BNC2: variants seen among roughly 807,000 people sequenced by gnomAD.
BNC2 encodes zinc finger protein basonuclin-2.
A neutral mutation model predicts 76.3 loss-of-function variants in BNC2; 20 were observed. The ratio of observed to expected loss-of-function variants is 0.26; its 90% CI spans 0.18 to 0.38. The LOEUF (loss-of-function observed/expected upper bound fraction) is 0.38. Among genes scored for constraint, BNC2 ranks in the 10% least tolerant of loss-of-function variants. BNC2 has a pLI of 1.00. For synonymous variants in BNC2, 582 were observed against 514.8 expected, an observed-to-expected ratio of 1.13 and a Z score of -1.77; for missense variants, 1,382 against 1,399.8, an observed-to-expected ratio of 0.99 and a Z score of 0.20.
In BNC2 at chr9:16,445,400, G is replaced by C. The variant is rs1563787238; in HGVS notation, c.670-7876C>G. 2.0e-5 allele frequency among the ~76,000 whole-genome samples: 3 copies of C among 152,182 alleles called. No individual in the cohort carries two copies. In the East Asian group the frequency reaches 5.8e-4, roughly 29 times the overall value. ...CAGAACTTCGGGCTAATGTTTCTAG[G>C]AGGCCAGCTGGAACAACTGTAATAT... On this transcript the variant is annotated intron_variant, in intron 5 of 6. Transcript: ENST00000380672.
At chr9:16,434,902 C>T (rs1820973959) in intron 6 of BNC2, 1 of 465,266 alleles carries the variant, frequency 2.1e-6, no homozygotes, top group African/African-American at 2.0e-5. Flanking sequence ...TAAAGAAACC[C>T]ACACGACCAT....
intron 3 of BNC2, among the ~76,000 whole-genome samples, chr9:16,613,755 A>C (rs578004130): frequency 6.6e-6 from 1 of 152,336 alleles, no homozygotes; most frequent in East Asian, 1.9e-4. Context: ...TAACCAGGAC[A>C]GCAGACTATG....
chr9:16,638,457 A>C (rs905936110), intron 3 of BNC2, among the ~76,000 whole-genome samples: 2 of 152,182 alleles, frequency 1.3e-5, no homozygotes, highest in African/African-American at 2.4e-5. Context: ...GTCCAGCATT[A>C]AGAAAGTTTA....
At chr9:16,561,701 GATT>G (rs1455578453) in intron 4 of BNC2, among the ~76,000 whole-genome samples, 1 of 152,124 alleles carries the variant, frequency 6.6e-6, no homozygotes, top group African/African-American at 2.4e-5. Flanking sequence ...TTCACAATTT[GATT>G]ATTAAAAGAA....
chr9:16,859,892 G>T (rs879841102), intron 1 of BNC2, among the ~76,000 whole-genome samples: 2 of 152,152 alleles, frequency 1.3e-5, no homozygotes, highest in African/African-American at 4.8e-5. Context: ...AGGCCAAGGC[G>T]GGCAGAATGC....
At chr9:16,460,124 T>C (rs774950253) in intron 5 of BNC2, among the ~76,000 whole-genome samples, 13 of 152,164 alleles carry the variant, frequency 8.5e-5, no homozygotes, top group Non-Finnish European at 1.5e-4. Context: ...CTTTAAGTTA[T>C]AATATAGAGA....
intron 1 of BNC2, among the ~76,000 whole-genome samples, chr9:16,751,469 CCTAT>C (rs1825192792): frequency 6.6e-6 from 1 of 151,770 alleles, no homozygotes; most frequent in Non-Finnish European, 1.5e-5. Context: ...AAGAAATCTC[CCTAT>C]CTCTCGACTT....
In BNC2 at chr9:16,410,668, G is replaced by C. The variant is rs1743337422; in HGVS notation, c.*8321C>G. On this transcript the variant is annotated 3_prime_UTR_variant, in exon 7 of 7. Coordinates refer to ENST00000380672, the MANE Select transcript of BNC2 (RefSeq NM_017637.6). ...ACGTTTCCAAAGCAATTAAAACCAAGATGAGGGAGGGCGTGTTCTACCTTC... is the reference window on the plus strand; with the variant it reads ...ACGTTTCCAAAGCAATTAAAACCAACATGAGGGAGGGCGTGTTCTACCTTC... The C allele has an allele frequency of 6.6e-6, 1 of 152,484 alleles. No homozygotes were observed. The highest frequency in any genetic ancestry group is 2.1e-4 in the South Asian group (1 of 4,834). The allele number at this position is 152,484 out of a possible 1,614,324, so 9.4% of individuals were successfully genotyped here.
chr9:16,650,643 T>A (rs1337390), intron 3 of BNC2, among the ~76,000 whole-genome samples: 3 of 152,006 alleles, frequency 2.0e-5, no homozygotes, highest in Admixed American at 2.0e-4. Flanking sequence ...TCTATAAATA[T>A]GTAATACAGC....
intron 2 of BNC2, among the ~76,000 whole-genome samples, chr9:16,731,168 T>C (rs991290564): frequency 2.6e-5 from 4 of 152,218 alleles, no homozygotes; most frequent in Admixed American, 6.5e-5. Context: ...TTTCACTGGC[T>C]ACATAGTCTG....
intron 5 of BNC2, among the ~76,000 whole-genome samples, chr9:16,505,197 A>G (rs965310671): frequency 1.8e-4 from 27 of 152,238 alleles, no homozygotes; most frequent in African/African-American, 6.3e-4. Flanking sequence ...AGAAATAATT[A>G]TAACTGTCAA....
At chr9:16,594,521 A>G (rs1237188982) in intron 3 of BNC2, among the ~76,000 whole-genome samples, 1 of 152,152 alleles carries the variant, frequency 6.6e-6, no homozygotes, top group Non-Finnish European at 1.5e-5. Context: ...TTACTCCTCT[A>G]GGTTTGTGAT....
chr9:16,761,306 A>G (rs2135383608), intron 1 of BNC2, among the ~76,000 whole-genome samples: 1 of 152,322 alleles, frequency 6.6e-6, no homozygotes, highest in East Asian at 1.9e-4. Context: ...ATGAAAAAAT[A>G]TTTCTGGTAT....
intron 1 of BNC2, among the ~76,000 whole-genome samples, chr9:16,794,495 A>AT (rs1817594164): frequency 6.6e-6 from 1 of 152,182 alleles, no homozygotes; most frequent in Non-Finnish European, 1.5e-5. Context: ...ATTCACCTCA[A>AT]TTATTCTAAA....
chr9:16,534,875 T>C (rs1463154924), intron 5 of BNC2, among the ~76,000 whole-genome samples: 1 of 152,150 alleles, frequency 6.6e-6, no homozygotes, highest in Admixed American at 6.6e-5. Flanking sequence ...AGCAAACCAT[T>C]CAAAAATCCT....
In BNC2 at chr9:16,415,359, TAC is replaced by T. The variant is rs3215854; in HGVS notation, c.*3628_*3629del. On this transcript the variant is annotated 3_prime_UTR_variant, in exon 7 of 7. Transcript: ENST00000380672. ...ACATAGTTTTAAATGATCAAGACAG[TAC>T]AAGTTTCAACATCAGCTAGAGAACA... 0.14 allele frequency: 20,991 copies of T among 152,638 alleles called. 2,239 individuals carry two copies. Among genetic ancestry groups the T allele is most frequent in the African/African-American group, 0.3 (12,299 of 41,464 alleles). The allele number at this position is 152,638 out of a possible 1,614,324, so 9.5% of individuals were successfully genotyped here. A position where few individuals can be genotyped will look rare whatever the true frequency, so the allele number is the denominator to read the frequency against.
chr9:16,686,020 T>C (rs1822967999), intron 3 of BNC2, among the ~76,000 whole-genome samples: 1 of 152,188 alleles, frequency 6.6e-6, no homozygotes, highest in African/African-American at 2.4e-5. Flanking sequence ...TCTTTTCCTC[T>C]TTCCTTTAAT....
At chr9:16,718,431 A>G (rs898255847) in intron 3 of BNC2, among the ~76,000 whole-genome samples, 1 of 152,202 alleles carries the variant, frequency 6.6e-6, no homozygotes, top group African/African-American at 2.4e-5. Flanking sequence ...AACATATTTT[A>G]AGCTCCATTC....
intron 4 of BNC2, among the ~76,000 whole-genome samples, chr9:16,577,725 T>C (rs561547785): frequency 4.6e-5 from 7 of 152,242 alleles, no homozygotes; most frequent in Middle Eastern, 3.4e-3. Flanking sequence ...GGAAATCACA[T>C]TTACAGAACA....
Sources: allele counts gnomAD v4.1 joint callset (sites outside exome capture counted in the v4.1 genomes callset), GRCh38; gene constraint gnomAD v4.1.1; transcripts MANE v1.5; gene names NCBI Gene and HGNC (gene_info 2026-07-23, HGNC 2026-07-21).